Variants in PCDHA12 observed in about 807,000 individuals in gnomAD.
PCDHA12 encodes protocadherin alpha 12.
In PCDHA12, 44 loss-of-function variants were observed where a neutral mutation model predicts 60.0. That is an observed-to-expected ratio of 0.73 (90% CI 0.58 to 0.94). The LOEUF (loss-of-function observed/expected upper bound fraction) is 0.94, where lower values mean the gene tolerates loss of function less well. Ranked by LOEUF, PCDHA12 falls within the 40% of genes least tolerant of loss-of-function variation. The probability of loss-of-function intolerance (pLI) is 0.00; values close to 1 mark genes in which losing one functional copy is unlikely to be tolerated. For missense variants in PCDHA12, 1,276 were observed against 1,239.7 expected (o/e 1.03, Z -0.44); for synonymous variants, 569 against 553.0 (o/e 1.03, Z -0.40).
rs995118768 is a variant in PCDHA12 at position 140,943,957 on chromosome 5, T to G, written c.2368-34992T>G. Among the ~76,000 whole-genome samples the G allele has an allele frequency of 2.6e-5, 4 of 152,224 alleles. No individual in the cohort carries two copies. The South Asian group carries it at 8.3e-4, about 32-fold the overall frequency. On this transcript the variant is annotated intron_variant, in intron 1 of 3. Coordinates refer to ENST00000398631, the MANE Select transcript of PCDHA12 (RefSeq NM_018903.4). ...TGTGGTTATAGGAGAAGCAGTGAAT[T>G]AAAGAGTTAAAGTAATTAAGAAAAC... is the stretch of plus-strand genomic sequence containing the variant.
Position 140,877,051 on chromosome 5 carries a change from G to C in PCDHA12, c.1579G>C (p.Glu527Gln), listed in dbSNP as rs1554169275. The C allele has an allele frequency of 1.2e-6, 2 of 1,612,752 alleles. No homozygotes were observed. The highest frequency in any genetic ancestry group is 1.7e-6 in the Non-Finnish European group (2 of 1,179,838). The change falls in exon 1 of 4, where the codon GAG (glutamate) becomes CAG (glutamine). Residue 527 changes from glutamate to glutamine, a missense_variant. Glu to Gln is a conservative substitution (Grantham distance 29, BLOSUM62 2). Transcript: ENST00000398631. ...CGCGCTGCAGCCGCTAGACCACGAG[G>C]AGCTGGAGCTGCTGCAGTTCCAGGT... Reference protein sequence around the residue: ...VYALQPLDHEELELLQFQVSA... With the variant: ...VYALQPLDHEQLELLQFQVSA...
At chr5:140,967,750 C>T (rs782284231) in intron 1 of PCDHA12, 3 of 1,614,072 alleles carry the variant, frequency 1.9e-6, no homozygotes, top group Non-Finnish European at 8.5e-7. Flanking sequence ...ATGAGGAAGC[C>T]TCCTCCTACC....
intron 1 of PCDHA12, among the ~76,000 whole-genome samples, chr5:140,894,474 T>C (rs1333675195): frequency 6.6e-6 from 1 of 152,022 alleles, no homozygotes; most frequent in Non-Finnish European, 1.5e-5. Flanking sequence ...TTATTCTTGT[T>C]TTCATCTTAT....
intron 1 of PCDHA12, among the ~76,000 whole-genome samples, chr5:140,897,000 T>C (rs2065833068): frequency 6.6e-6 from 1 of 152,180 alleles, no homozygotes; most frequent in Non-Finnish European, 1.5e-5. Context: ...CTTTTAGTTA[T>C]TTTTAAATAT....
In PCDHA12 at chr5:140,950,041, A is replaced by G. The variant is rs139296187; in HGVS notation, c.2368-28908A>G. Among the ~76,000 whole-genome samples, 1,151 of 152,070 alleles carry G rather than the reference A, an allele frequency of 7.6e-3. 13 individuals carry two copies. The highest frequency in any genetic ancestry group is 0.01 in the Non-Finnish European group (711 of 67,812). On this transcript the variant is annotated intron_variant, in intron 1 of 3. Transcript: ENST00000398631. ...CATAAAATATAGAAAAGTTACAACC[A>G]TATAAGACTATTTAGCTCTTCCTGT... is the stretch of plus-strand genomic sequence containing the variant.
At chr5:140,901,482 G>A (rs1348405650) in intron 1 of PCDHA12, among the ~76,000 whole-genome samples, 8 of 152,010 alleles carry the variant, frequency 5.3e-5, no homozygotes, top group African/African-American at 1.9e-4. Context: ...TATGTTCTTG[G>A]CACCTTCATC....
In PCDHA12 at chr5:140,877,158, G is replaced by A. The variant is rs781901798; in HGVS notation, c.1686G>A (p.Ala562=). The A allele has an allele frequency of 1.2e-6, 2 of 1,613,808 alleles. No homozygotes were observed. The highest frequency in any genetic ancestry group is 3.3e-5 in the Admixed American group (2 of 60,012). The change falls in exon 1 of 4, where the codon GCG becomes GCA. Residue 562 remains alanine, a synonymous_variant. Coordinates refer to ENST00000398631, the MANE Select transcript of PCDHA12 (RefSeq NM_018903.4). The part of the protein sequence containing the change: ...QVFVLDENDN[A]PALLATPAGS... ...TCGTGCTGGACGAGAACGACAACGCGCCGGCACTGCTGGCGACTCCGGCTG... is the reference window on the plus strand; with the variant it reads ...TCGTGCTGGACGAGAACGACAACGCACCGGCACTGCTGGCGACTCCGGCTG...
intron 1 of PCDHA12, chr5:140,928,238 A>T (rs147430561): frequency 1.9e-6 from 3 of 1,614,188 alleles, no homozygotes; most frequent in Non-Finnish European, 2.5e-6. Context: ...CCTCAACCCC[A>T]GCAGGAACTT....
chr5:140,937,106 C>T (rs2091337574), intron 1 of PCDHA12, among the ~76,000 whole-genome samples: 1 of 149,206 alleles, frequency 6.7e-6, no homozygotes, highest in Admixed American at 6.7e-5. Context: ...GGCGCAGTCT[C>T]GGCTCACTGC....
In PCDHA12 at chr5:140,877,774, G is replaced by T. The variant is rs782686661; in HGVS notation, c.2302G>T (p.Asp768Tyr). ...VCSAESPPKT[D>Y]LMAFSPSLQL... ...CTCTGCAGAGAGCCCGCCCAAGACG[G>T]ACCTCATGGCCTTCAGCCCAAGCCT... The change falls in exon 1 of 4, where the codon GAC becomes TAC. Residue 768 changes from aspartate (D) to tyrosine (Y), a missense_variant. Asp to Tyr is a radical substitution (Grantham distance 160, BLOSUM62 -3). Coordinates refer to ENST00000398631, the MANE Select transcript of PCDHA12 (RefSeq NM_018903.4). 1.2e-6 allele frequency: 2 copies of T among 1,614,176 alleles called. No individual in the cohort carries two copies. Among genetic ancestry groups the T allele is most frequent in the South Asian group, 2.2e-5 (2 of 91,086 alleles).
Position 140,877,080 on chromosome 5 carries a change from C to T in PCDHA12, c.1608C>T (p.Ser536=). Residue 536 remains serine (S), a synonymous_variant, in exon 1 of 4, where the codon AGC becomes AGT. Transcript: ENST00000398631. ...TGGAGCTGCTGCAGTTCCAGGTGAG[C>T]GCGCGCGACGCCGGCGTGCCGCCTC... ...EELELLQFQV[S]ARDAGVPPLG... is the part of the protein sequence containing the mutation. 2 of 1,613,062 alleles carry T rather than the reference C, an allele frequency of 1.2e-6. No homozygotes were observed. The highest frequency in any genetic ancestry group is 2.2e-5 in the East Asian group (1 of 44,872).
chr5:140,884,514 C>T (rs368331245), intron 1 of PCDHA12: 3 of 1,614,176 alleles, frequency 1.9e-6, no homozygotes, highest in African/African-American at 1.3e-5. Context: ...GGGAGTTGGT[C>T]GTACTCGCAG....
At chr5:140,912,178 G>A (rs2153520957) in intron 1 of PCDHA12, among the ~76,000 whole-genome samples, 1 of 152,266 alleles carries the variant, frequency 6.6e-6, no homozygotes, top group South Asian at 2.1e-4. Flanking sequence ...GCTGGCAGCT[G>A]ATTAGATTGT....
At chr5:140,890,248 A>G (rs2062564503) in intron 1 of PCDHA12, among the ~76,000 whole-genome samples, 1 of 152,096 alleles carries the variant, frequency 6.6e-6, no homozygotes, top group Non-Finnish European at 1.5e-5. Context: ...CCAGTACACT[A>G]CTGCACCTGA....
chr5:140,963,395 C>T (rs544819387), intron 1 of PCDHA12, among the ~76,000 whole-genome samples: 4 of 152,322 alleles, frequency 2.6e-5, no homozygotes, highest in African/African-American at 7.2e-5. Flanking sequence ...AAGCTCCCTA[C>T]TGGATGCTGT....
In PCDHA12 at chr5:140,904,730, A is replaced by AT. The variant is rs538757271; in HGVS notation, c.2367+26898dup. 7.6e-4 allele frequency among the ~76,000 whole-genome samples: 116 copies of AT among 152,104 alleles called. 1 individual carries two copies. The highest frequency in any genetic ancestry group is 6.8e-3 in the Middle Eastern group (2 of 294). On this transcript the variant is annotated intron_variant, in intron 1 of 3. Transcript: ENST00000398631. ...CACCACATTCTGGCCAACATCTATT[A>AT]TTTTTTTATTATGACCATTTTTGCA...
intron 3 of PCDHA12, among the ~76,000 whole-genome samples, chr5:141,000,339 ATC>A (rs1414297743): frequency 2.0e-5 from 2 of 102,334 alleles, no homozygotes; most frequent in Admixed American, 1.0e-4. Context: ...GCAAGGCCCT[ATC>A]TCTCTCTCTG....
At position 140,927,139 on chromosome 5, in the gene PCDHA12, C is replaced by G. The variant is rs782726149; in HGVS notation, c.2367+49300C>G. 6 of 1,613,928 alleles carry G rather than the reference C, an allele frequency of 3.7e-6. No homozygotes were observed. The Admixed American group carries it at 5.0e-5, about 13-fold the overall frequency. On this transcript the variant is annotated intron_variant, in intron 1 of 3. Coordinates refer to ENST00000398631, the MANE Select transcript of PCDHA12 (RefSeq NM_018903.4). Reference sequence around the variant, plus strand: ...TTTGGTGGTCAGAGAGCCGGCGGACCGCGAACAGCTGTGCAGGGCCAAAGC... The same window carrying G: ...TTTGGTGGTCAGAGAGCCGGCGGACGGCGAACAGCTGTGCAGGGCCAAAGC...
Position 140,916,518 on chromosome 5 carries a change from T to A in PCDHA12, c.2367+38679T>A, listed in dbSNP as rs187386381. Among the ~76,000 whole-genome samples the A allele has an allele frequency of 2.6e-5, 4 of 152,306 alleles. No homozygotes were observed. The East Asian group carries it at 7.7e-4, about 29-fold the overall frequency. ...AGCAGGTGATTAATCTTGCCAAGACTGGGTCCTTCCCACCAAGGCAATGGG... is the reference window on the plus strand; with the variant it reads ...AGCAGGTGATTAATCTTGCCAAGACAGGGTCCTTCCCACCAAGGCAATGGG... On this transcript the variant is annotated intron_variant, in intron 1 of 3. Coordinates refer to ENST00000398631, the MANE Select transcript of PCDHA12 (RefSeq NM_018903.4).
Sources: gnomAD v4.1 joint callset for allele counts (sites outside exome capture counted in the v4.1 genomes callset) on GRCh38, gnomAD v4.1.1 for gene constraint, MANE v1.5 for transcripts, NCBI Gene and HGNC (gene_info 2026-07-23, HGNC 2026-07-21) for gene names.